The following GRID2 variants were observed in gnomAD, a reference collection of about 807,000 sequenced individuals.
GRID2 encodes the protein glutamate receptor ionotropic, delta-2.
A neutral mutation model predicts 114.8 loss-of-function variants in GRID2; 33 were observed. That is an observed-to-expected ratio of 0.29 (90% confidence interval 0.22 to 0.38). GRID2 has a LOEUF of 0.38. GRID2 is among the 10% of genes least tolerant of loss of function. The pLI, the probability that GRID2 is intolerant of heterozygous loss-of-function variation, is 1.00. For synonymous variants in GRID2, 505 were observed against 449.9 expected (o/e 1.12, Z -1.55); for missense variants, 1,184 against 1,257.7 (o/e 0.94, Z 0.89).
At chr4:93,311,342 C>A (rs148415890) in intron 8 of GRID2, among the ~76,000 whole-genome samples, 5 of 152,238 alleles carry the variant, frequency 3.3e-5, no homozygotes, top group Non-Finnish European at 5.9e-5. Context: ...CAGTGGCTGT[C>A]TTGAATAATG....
intron 2 of GRID2, among the ~76,000 whole-genome samples, chr4:92,620,153 A>G (rs1730197218): frequency 6.6e-6 from 1 of 151,742 alleles, no homozygotes; most frequent in African/African-American, 2.4e-5. Context: ...GAGCTAGTAA[A>G]AGATTTTGAA....
At chr4:93,595,478 G>A (rs374684542) in intron 13 of GRID2, among the ~76,000 whole-genome samples, 1 of 152,212 alleles carries the variant, frequency 6.6e-6, no homozygotes, top group East Asian at 1.9e-4. Context: ...CCCAATATTT[G>A]TAAAATGGGA....
At chr4:92,549,811 A>C (rs1347756700) in intron 1 of GRID2, among the ~76,000 whole-genome samples, 1 of 152,166 alleles carries the variant, frequency 6.6e-6, no homozygotes, top group African/African-American at 2.4e-5. Flanking sequence ...ATGTAACATG[A>C]CACTTGATAC....
At chr4:92,566,585 C>T (rs973078828) in intron 1 of GRID2, among the ~76,000 whole-genome samples, 2 of 151,870 alleles carry the variant, frequency 1.3e-5, no homozygotes, top group African/African-American at 4.8e-5. Context: ...CTCTATGCTC[C>T]TTACTGTACA....
intron 13 of GRID2, among the ~76,000 whole-genome samples, chr4:93,569,911 C>T (rs1473835498): frequency 2.0e-5 from 3 of 152,150 alleles, no homozygotes; most frequent in African/African-American, 7.2e-5. Context: ...TCATAAATTA[C>T]TGCAGTTATT....
At chr4:92,722,277 T>C (rs1735846115) in intron 2 of GRID2, among the ~76,000 whole-genome samples, 1 of 152,136 alleles carries the variant, frequency 6.6e-6, no homozygotes, top group South Asian at 2.1e-4. Flanking sequence ...ACAAACACTT[T>C]AGAAGAGTAT....
intron 4 of GRID2, among the ~76,000 whole-genome samples, chr4:93,178,744 G>A (rs1739605445): frequency 6.6e-6 from 1 of 151,338 alleles, no homozygotes; most frequent in African/African-American, 2.4e-5. Flanking sequence ...GTGTGTGAAT[G>A]TGTGTGTGCG....
chr4:92,349,619 G>A (rs575138247), intron 1 of GRID2, among the ~76,000 whole-genome samples: 1 of 151,144 alleles, frequency 6.6e-6, no homozygotes, highest in South Asian at 2.1e-4. Flanking sequence ...AATATATGAA[G>A]AATACATTTT....
chr4:92,777,902 T>C (rs1738886755), intron 2 of GRID2, among the ~76,000 whole-genome samples: 1 of 152,104 alleles, frequency 6.6e-6, no homozygotes, highest in Admixed American at 6.6e-5. Context: ...ACCCAGTCTG[T>C]GGTATTGGGT....
chr4:92,772,480 G>C (rs1246398641), intron 2 of GRID2, among the ~76,000 whole-genome samples: 1 of 152,038 alleles, frequency 6.6e-6, no homozygotes, highest in Non-Finnish European at 1.5e-5. Context: ...CAATAAGGGA[G>C]GAGCAGTGGC....
intron 14 of GRID2, among the ~76,000 whole-genome samples, chr4:93,734,411 T>G (rs1730751307): frequency 1.3e-5 from 2 of 152,050 alleles, no homozygotes; most frequent in South Asian, 4.1e-4. Context: ...CAAGTTGAAC[T>G]GTTGACTGCA....
intron 2 of GRID2, among the ~76,000 whole-genome samples, chr4:93,043,555 TCCGA>T (rs1164599662): frequency 1.3e-5 from 2 of 152,162 alleles, no homozygotes; most frequent in Non-Finnish European, 2.9e-5. Context: ...GGAGTTTATT[TCCGA>T]AAGTGTGATA....
chr4:92,360,908 T>A (rs908800077), intron 1 of GRID2, among the ~76,000 whole-genome samples: 1 of 152,054 alleles, frequency 6.6e-6, no homozygotes, highest in East Asian at 1.9e-4. Context: ...GATATAGATA[T>A]TTTTCTAGGT....
intron 10 of GRID2, among the ~76,000 whole-genome samples, chr4:93,448,662 C>G (rs1023649458): frequency 6.6e-6 from 1 of 151,846 alleles, no homozygotes; most frequent in Non-Finnish European, 1.5e-5. Flanking sequence ...AAGAAATCAT[C>G]ATGTTAAACA....
rs1030062033 is a variant in GRID2, at chr4:93,023,913, A to G, written c.245-61082A>G. ...AACTACACAGAACTTTATATAGTTCACTGAAGTAGGATAAAATGTTTTACA... is the reference window on the plus strand; with the variant it reads ...AACTACACAGAACTTTATATAGTTCGCTGAAGTAGGATAAAATGTTTTACA... On this transcript the variant is annotated intron_variant, in intron 2 of 15. Coordinates refer to ENST00000282020, the MANE Select transcript of GRID2 (RefSeq NM_001510.4). 2.0e-5 allele frequency among the ~76,000 whole-genome samples: 3 copies of G among 151,896 alleles called. No individual in the cohort carries two copies. The East Asian group carries it at 5.8e-4, about 29-fold the overall frequency.
chr4:93,186,315 C>T (rs1182707303), intron 4 of GRID2, among the ~76,000 whole-genome samples: 1 of 152,104 alleles, frequency 6.6e-6, no homozygotes, highest in Non-Finnish European at 1.5e-5. Flanking sequence ...GAGGAATTGC[C>T]ACACTGTCTT....
intron 13 of GRID2, among the ~76,000 whole-genome samples, chr4:93,612,900 A>G (rs1741118237): frequency 6.9e-6 from 1 of 145,794 alleles, no homozygotes; most frequent in African/African-American, 2.5e-5. Flanking sequence ...AATATCCTGC[A>G]GAGTGTTTTC....
intron 1 of GRID2, among the ~76,000 whole-genome samples, chr4:92,505,582 T>C (rs1021166982): frequency 1.1e-4 from 16 of 151,910 alleles, no homozygotes; most frequent in Non-Finnish European, 2.9e-5. Context: ...TGCCCTTTGT[T>C]AGAGTCTGGA....
intron 1 of GRID2, among the ~76,000 whole-genome samples, chr4:92,534,477 G>C (rs1044304776): frequency 6.6e-6 from 1 of 152,018 alleles, no homozygotes; most frequent in Admixed American, 6.6e-5. Flanking sequence ...TCAAAGAGGG[G>C]GACAATTTGT....
Sources: gnomAD v4.1 joint callset for allele counts (sites outside exome capture counted in the v4.1 genomes callset) on GRCh38, gnomAD v4.1.1 for gene constraint, MANE v1.5 for transcripts, NCBI Gene and HGNC (gene_info 2026-07-23, HGNC 2026-07-21) for gene names.